CGNL1: variants seen among roughly 807,000 people sequenced by gnomAD.
CGNL1 encodes the protein cingulin-like protein 1.
A neutral mutation model predicts 141.2 loss-of-function variants in CGNL1; 132 were observed. That is an observed-to-expected ratio of 0.93 (90% CI 0.81 to 1.08). The LOEUF (loss-of-function observed/expected upper bound fraction) is 1.08. Ranked by LOEUF, CGNL1 falls within the 50% of genes least tolerant of loss-of-function variation. The probability of loss-of-function intolerance (pLI) is 0.00; values close to 1 mark genes in which losing one functional copy is unlikely to be tolerated. For synonymous variants in CGNL1, 690 were observed against 622.1 expected, an observed-to-expected ratio of 1.11 and a Z score of -1.63; for missense variants, 1,870 against 1,588.6, an observed-to-expected ratio of 1.18 and a Z score of -3.01.
chr15:57,428,630 C>T (rs1467257820), intron 1 of CGNL1, among the ~76,000 whole-genome samples: 1 of 152,086 alleles, frequency 6.6e-6, no homozygotes, highest in African/African-American at 2.4e-5. Flanking sequence ...GCAGGAGCTG[C>T]CTCCAGTAGG....
intron 13 of CGNL1, 64 bp from the exon 14 acceptor site, chr15:57,531,626 A>C: frequency 2.0e-6 from 2 of 1,001,346 alleles, no homozygotes; most frequent in Non-Finnish European, 3.2e-6. Flanking sequence ...TCTGTGGGGG[A>C]GCCTTTGCTG....
intron 8 of CGNL1, among the ~76,000 whole-genome samples, chr15:57,514,926 T>C (rs2030645241): frequency 6.6e-6 from 1 of 152,346 alleles, no homozygotes; most frequent in East Asian, 1.9e-4. Flanking sequence ...TAGGGGTTTA[T>C]GTCTGAACTC....
At chr15:57,538,027 G>C (rs964252681) in intron 14 of CGNL1, among the ~76,000 whole-genome samples, 4 of 152,176 alleles carry the variant, frequency 2.6e-5, no homozygotes, top group African/African-American at 9.7e-5. Context: ...CCCGCCCCAG[G>C]GCAGGTGCCA....
intron 16 of CGNL1, 50 bp downstream of exon 16, chr15:57,544,647 A>G: frequency 6.5e-7 from 1 of 1,548,644 alleles, no homozygotes; most frequent in Non-Finnish European, 8.7e-7. Context: ...GGGCAGTGAC[A>G]GTCCCATCGC....
At chr15:57,473,202 G>GA (rs1335057908) in intron 8 of CGNL1, among the ~76,000 whole-genome samples, 2 of 152,000 alleles carry the variant, frequency 1.3e-5, no homozygotes, top group African/African-American at 4.8e-5. Context: ...ACATCTAAAG[G>GA]AAAAAAGCTT....
chr15:57,457,111 A>C (rs2063389464), intron 7 of CGNL1, among the ~76,000 whole-genome samples: 1 of 152,194 alleles, frequency 6.6e-6, no homozygotes, highest in African/African-American at 2.4e-5. Context: ...CGTTGCTATA[A>C]AACCTTTTAT....
chr15:57,412,640 C>A (rs1430800161), intron 1 of CGNL1, among the ~76,000 whole-genome samples: 2 of 152,204 alleles, frequency 1.3e-5, no homozygotes, highest in African/African-American at 4.8e-5. Flanking sequence ...CTTGACGCAT[C>A]TCTGTGAGAA....
intron 8 of CGNL1, among the ~76,000 whole-genome samples, chr15:57,479,631 T>G (rs1222730257): frequency 2.0e-5 from 3 of 152,190 alleles, no homozygotes; most frequent in Non-Finnish European, 2.9e-5. Context: ...GCCACTGCAC[T>G]TCAGCCTGGG....
intron 7 of CGNL1, among the ~76,000 whole-genome samples, chr15:57,454,241 ACTT>A (rs540758214): frequency 4.6e-5 from 7 of 152,176 alleles, no homozygotes; most frequent in Non-Finnish European, 1.0e-4. Context: ...TTTGGAACCT[ACTT>A]CTTTATAAGT....
chr15:57,442,455 G>C lies in CGNL1; in HGVS notation c.1780G>C (p.Gly594Arg), dbSNP rs1236837790. The C allele has an allele frequency of 6.2e-7, 1 of 1,612,472 alleles. No individual in the cohort carries two copies. The highest frequency in any genetic ancestry group is 1.7e-5 in the Admixed American group (1 of 59,990). Residue 594 changes from glycine to arginine, a missense_variant, in exon 4 of 19, where the codon GGG becomes CGG. Physicochemically the swap from Gly to Arg is moderately radical, Grantham distance 125. Transcript: ENST00000281282. Reference protein sequence around the residue: ...KIQTLKSRAAGSAQGNNQACN... With the variant: ...KIQTLKSRAARSAQGNNQACN... Reference sequence around the variant, plus strand: ...CCAGACCTTAAAGTCTCGAGCAGCTGGGAGCGCCCAAGGAAATAACCAAGT... The same window carrying C: ...CCAGACCTTAAAGTCTCGAGCAGCTCGGAGCGCCCAAGGAAATAACCAAGT...
intron 1 of CGNL1, among the ~76,000 whole-genome samples, chr15:57,429,370 A>C (rs1376661084): frequency 6.6e-6 from 1 of 152,230 alleles, no homozygotes; most frequent in African/African-American, 2.4e-5. Context: ...GTCTGCACTA[A>C]CCAACCAATT....
chr15:57,458,630 A>C (rs1353381217), intron 7 of CGNL1, among the ~76,000 whole-genome samples: 1 of 151,660 alleles, frequency 6.6e-6, no homozygotes, highest in Non-Finnish European at 1.5e-5. Context: ...AGCAGGAAAC[A>C]GGGGTCAGAA....
At position 57,550,620 on chromosome 15, in the gene CGNL1, C is replaced by G. The variant is rs185146115; in HGVS notation, c.*3130C>G. The stretch of plus-strand genomic sequence containing the variant: ...GGTATGGTTTGGTCGCTTTGGTTGT[C>G]ATGAGAAAGAGACATTCTCCTTGCA... On this transcript the variant is annotated 3_prime_UTR_variant, in exon 19 of 19. Transcript: ENST00000281282. 6.5e-5 allele frequency: 10 copies of G among 152,720 alleles called. No homozygotes were observed. The highest frequency in any genetic ancestry group is 5.8e-4 in the East Asian group (3 of 5,174). The allele number at this position is 152,720 out of a possible 1,614,324, so 9.5% of individuals were successfully genotyped here.
chr15:57,496,955 G>T (rs779243388), intron 8 of CGNL1, among the ~76,000 whole-genome samples: 5 of 152,188 alleles, frequency 3.3e-5, no homozygotes, highest in Admixed American at 1.3e-4. Flanking sequence ...CTCTGTGGTT[G>T]CTGAGTCCGG....
chr15:57,417,088 G>T (rs1295392103), intron 1 of CGNL1, among the ~76,000 whole-genome samples: 1 of 152,090 alleles, frequency 6.6e-6, no homozygotes, highest in Non-Finnish European at 1.5e-5. Flanking sequence ...TACCTGGCGG[G>T]GTTGCTGAAC....
intron 1 of CGNL1, among the ~76,000 whole-genome samples, chr15:57,422,464 C>T (rs2062926826): frequency 6.6e-6 from 1 of 152,144 alleles, no homozygotes; most frequent in Non-Finnish European, 1.5e-5. Context: ...AAAATGAAGA[C>T]ATTTAAATAC....
At chr15:57,405,439 C>T (rs772869784) in intron 1 of CGNL1, among the ~76,000 whole-genome samples, 2 of 152,234 alleles carry the variant, frequency 1.3e-5, no homozygotes, top group Non-Finnish European at 2.9e-5. Context: ...TTTGCTTTTC[C>T]TGCCTTCAGG....
At chr15:57,511,990 C>A (rs181948547) in intron 8 of CGNL1, among the ~76,000 whole-genome samples, 21 of 152,304 alleles carry the variant, frequency 1.4e-4, no homozygotes, top group African/African-American at 4.3e-4. Context: ...ATCAGAGAAT[C>A]GTAGAAACAT....
chr15:57,494,273 G>T (rs2063906235), intron 8 of CGNL1, among the ~76,000 whole-genome samples: 1 of 152,170 alleles, frequency 6.6e-6, no homozygotes, highest in Non-Finnish European at 1.5e-5. Context: ...GTGGGGAGGG[G>T]TTGAGAAGGA....
Sources: allele counts gnomAD v4.1 joint callset (sites outside exome capture counted in the v4.1 genomes callset), GRCh38; gene constraint gnomAD v4.1.1; transcripts MANE v1.5; gene names NCBI Gene and HGNC (gene_info 2026-07-23, HGNC 2026-07-21).